CDC16: variants seen among roughly 807,000 people sequenced by gnomAD.
CDC16 encodes cell division cycle protein 16 homolog.
Under a neutral mutation model 87.0 loss-of-function variants are expected in CDC16, and 34 were observed. The ratio of observed to expected loss-of-function variants is 0.39; its 90% confidence interval spans 0.30 to 0.52. The LOEUF is 0.52. CDC16 is among the 20% of genes least tolerant of loss of function. The pLI is 0.74. For synonymous variants in CDC16, 263 were observed against 260.6 expected, an observed-to-expected ratio of 1.01 and a Z score of -0.09; for missense variants, 653 against 751.9, an observed-to-expected ratio of 0.87 and a Z score of 1.54.
In CDC16 at chr13:114,262,956, T is replaced by C; in HGVS notation, c.1454T>C (p.Ile485Thr). 6.2e-7 allele frequency: 1 copy of C among 1,613,218 alleles called. No individual in the cohort carries two copies. The highest frequency in any genetic ancestry group is 1.7e-5 in the Admixed American group (1 of 60,030). The change falls in exon 16 of 18, where the codon ATT (isoleucine) becomes ACT (threonine). Residue 485 changes from isoleucine (I) to threonine (T), a missense_variant. Physicochemically the swap from Ile to Thr is moderately conservative, Grantham distance 89 (BLOSUM62 -1). Transcript: ENST00000356221. ...CAGAACGCATCCACCTACTCTGCTA[T>C]TGGATATATCCACAGTCTGATGGGC... ...IPQNASTYSA[I>T]GYIHSLMGNF...
intron 2 of CDC16, 22 bp downstream of exon 2, chr13:114,236,721 G>C: frequency 1.2e-6 from 2 of 1,613,196 alleles, no homozygotes; most frequent in East Asian, 2.2e-5. Context: ...AATGCTAACT[G>C]GTTTTCTGAT....
chr13:114,239,289 G>A (rs1392443200), intron 4 of CDC16, 61 bp from the exon 5 acceptor site: 8 of 1,541,316 alleles, frequency 5.2e-6, no homozygotes, highest in East Asian at 2.3e-5. Context: ...TTAAAAATTC[G>A]GATCATGTGT....
In CDC16 at chr13:114,236,753, A is replaced by G. The variant is rs1407902906; in HGVS notation, c.104-46A>G. ...TGATTAATCTTAAAATTCGTTTTCT[A>G]TTTCACCTTGTACCTCTGACCACTT... is the stretch of plus-strand genomic sequence containing the variant. On this transcript the variant is annotated intron_variant, in intron 2 of 17. Transcript: ENST00000356221. The G allele has an allele frequency of 5.0e-6, 8 of 1,612,796 alleles. No homozygotes were observed. The African/African-American group carries it at 8.0e-5, about 16-fold the overall frequency.
chr13:114,250,168 G>A (rs781275058), intron 11 of CDC16, among the ~76,000 whole-genome samples: 20 of 151,738 alleles, frequency 1.3e-4, no homozygotes, highest in Middle Eastern at 3.2e-3. Flanking sequence ...AGCCTCCAGC[G>A]ACAGAGCAAA....
In CDC16 at chr13:114,254,371, A is replaced by G. The variant is rs150160234; in HGVS notation, c.1098-2707A>G. Among the ~76,000 whole-genome samples, 1,486 of 151,928 alleles carry G rather than the reference A, an allele frequency of 9.8e-3. 22 individuals are homozygous for G. The highest frequency in any genetic ancestry group is 0.034 in the African/African-American group (1,412 of 41,434). ...CCCATTTTAATCCCCTTTTTTTATT[A>G]TACTATATCTTTTGAGTTATTTTCT... On this transcript the variant is annotated intron_variant, in intron 12 of 17. Coordinates refer to ENST00000356221, the MANE Select transcript of CDC16 (RefSeq NM_001078645.3).
chr13:114,265,171 G>A lies in CDC16; in HGVS notation c.1534G>A (p.Asp512Asn). 6.2e-7 allele frequency: 1 copy of A among 1,611,400 alleles called. No individual in the cohort carries two copies. The highest frequency in any genetic ancestry group is 8.5e-7 in the Non-Finnish European group (1 of 1,177,532). The change falls in exon 17 of 18, where the codon GAT (aspartate) becomes AAT (asparagine). Residue 512 changes from aspartate to asparagine, a missense_variant. Coordinates refer to ENST00000356221, the MANE Select transcript of CDC16 (RefSeq NM_001078645.3). ...GCAGGCCCTTGGTCTTAGGCGAGAT[G>A]ATACATTTTCTGTTACAATGCTTGG... ...FHTALGLRRD[D>N]TFSVTMLGHC... is the part of the protein sequence containing the mutation.
At chr13:114,244,484 A>G (rs1306457329) in intron 8 of CDC16, 5 of 162,350 alleles carry the variant, frequency 3.1e-5, no homozygotes, top group Non-Finnish European at 6.6e-5. Context: ...AATACACATA[A>G]CCTATTTATT....
At chr13:114,248,980 G>A (rs1470726183) in intron 11 of CDC16, among the ~76,000 whole-genome samples, 3 of 151,882 alleles carry the variant, frequency 2.0e-5, no homozygotes, top group African/African-American at 7.3e-5. Context: ...CCAGGGTGGG[G>A]GGACTGGTTT....
Position 114,235,068 on chromosome 13 carries a change from G to A in CDC16, c.-17G>A, listed in dbSNP as rs2081174209. 8.0e-7 allele frequency: 1 copy of A among 1,247,460 alleles called. No homozygotes were observed. The allele number at this position is 1,247,460 out of a possible 1,614,324, so 77.3% of individuals were successfully genotyped here. On this transcript the variant is annotated 5_prime_UTR_variant, in exon 1 of 18. Coordinates refer to ENST00000356221, the MANE Select transcript of CDC16 (RefSeq NM_001078645.3). ...GCCTAGCGGCGGAGTGTGGCGTGAG[G>A]CCGGGCCCGCGCCGCCATGAACCTA...
At chr13:114,259,440 T>A in intron 14 of CDC16, 42 bp downstream of exon 14, 1 of 1,119,302 alleles carries the variant, frequency 8.9e-7, no homozygotes, top group Non-Finnish European at 1.3e-6. Context: ...TATACACCCC[T>A]GAGTGTTTAC....
At chr13:114,245,930 T>C in intron 9 of CDC16, 70 bp from the exon 10 acceptor site, 1 of 796,124 alleles carries the variant, frequency 1.3e-6, no homozygotes, top group Non-Finnish European at 2.1e-6. Flanking sequence ...TGTGAAGAGT[T>C]GTAATGAAAT....
At chr13:114,266,602 G>T (rs1594683653) in intron 17 of CDC16, among the ~76,000 whole-genome samples, 1 of 152,056 alleles carries the variant, frequency 6.6e-6, no homozygotes, top group Admixed American at 6.5e-5. Flanking sequence ...TAGAACCTGG[G>T]TTTCGTTTCC....
intron 13 of CDC16, among the ~76,000 whole-genome samples, chr13:114,258,025 T>A (rs2082615827): frequency 6.6e-6 from 1 of 152,156 alleles, no homozygotes; most frequent in Non-Finnish European, 1.5e-5. Flanking sequence ...GACCTGGTGA[T>A]CCGCCTGCCT....
At chr13:114,263,389 C>T (rs1312925247) in intron 16 of CDC16, among the ~76,000 whole-genome samples, 1 of 152,170 alleles carries the variant, frequency 6.6e-6, no homozygotes, top group Non-Finnish European at 1.5e-5. Context: ...GCAGTCATCA[C>T]AAGGAAAGAA....
Position 114,243,926 on chromosome 13 carries a change from T to C in CDC16, c.704T>C (p.Val235Ala). 2 of 1,604,708 alleles carry C rather than the reference T, an allele frequency of 1.2e-6. No individual in the cohort carries two copies. Among genetic ancestry groups the C allele is most frequent in the Non-Finnish European group, 1.7e-6 (2 of 1,171,532 alleles). Residue 235 changes from valine to alanine, a missense_variant, in exon 8 of 18, where the codon GTG (valine) becomes GCG (alanine). By Grantham distance (64) the Val-to-Ala change is moderately conservative (BLOSUM62 0). Coordinates refer to ENST00000356221, the MANE Select transcript of CDC16 (RefSeq NM_001078645.3). Reference sequence around the variant, plus strand: ...TTGCAAGAGAATCTGGATGTGGTAGTGTCTTTAGCTGAGAGACATTATTAT... The same window carrying C: ...TTGCAAGAGAATCTGGATGTGGTAGCGTCTTTAGCTGAGAGACATTATTAT... The part of the protein sequence containing the change: ...DGLQENLDVV[V>A]SLAERHYYNC...
chr13:114,260,250 T>C (rs2082755628), intron 14 of CDC16, among the ~76,000 whole-genome samples: 1 of 152,232 alleles, frequency 6.6e-6, no homozygotes, highest in Non-Finnish European at 1.5e-5. Context: ...TTTACTTTGG[T>C]CTCTCATGTC....
At chr13:114,259,114 AG>A (rs1036285240) in intron 13 of CDC16, among the ~76,000 whole-genome samples, 5 of 150,450 alleles carry the variant, frequency 3.3e-5, no homozygotes, top group Non-Finnish European at 5.9e-5. Context: ...AAAAAAAAAA[AG>A]GAATATAAAT....
At chr13:114,266,976 G>T (rs539318116) in intron 17 of CDC16, among the ~76,000 whole-genome samples, 3 of 152,056 alleles carry the variant, frequency 2.0e-5, no homozygotes, top group Non-Finnish European at 4.4e-5. Flanking sequence ...GATTACAGGC[G>T]TGAGCCACCA....
At chr13:114,267,992 G>T (rs1485274222) in intron 17 of CDC16, among the ~76,000 whole-genome samples, 1 of 152,202 alleles carries the variant, frequency 6.6e-6, no homozygotes, top group Non-Finnish European at 1.5e-5. Flanking sequence ...AAAAACTCAG[G>T]TCCCTCACCC....
Sources: gnomAD v4.1 joint callset for allele counts (sites outside exome capture counted in the v4.1 genomes callset) on GRCh38, gnomAD v4.1.1 for gene constraint, MANE v1.5 for transcripts, NCBI Gene and HGNC (gene_info 2026-07-23, HGNC 2026-07-21) for gene names.